Variants in PPP1R12A observed in about 807,000 individuals in gnomAD.
The protein encoded by PPP1R12A is protein phosphatase 1 regulatory subunit 12A.
Under a neutral mutation model 139.6 loss-of-function variants are expected in PPP1R12A, and 19 were observed. The ratio of observed to expected loss-of-function variants is 0.14; its 90% CI spans 0.09 to 0.20. The LOEUF (loss-of-function observed/expected upper bound fraction) is 0.20, where lower values mean the gene tolerates loss of function less well. PPP1R12A is among the 10% of genes least tolerant of loss of function. PPP1R12A has a pLI of 1.00. For synonymous variants in PPP1R12A, 427 were observed against 420.6 expected (o/e 1.02, Z -0.19); for missense variants, 925 against 1,211.5 (o/e 0.76, Z 3.51).
chr12:79,776,587 T>G (rs1869754746), intron 24 of PPP1R12A, among the ~76,000 whole-genome samples: 1 of 152,054 alleles, frequency 6.6e-6, no homozygotes, highest in Non-Finnish European at 1.5e-5. Flanking sequence ...AAGCAATTAC[T>G]ATTATTAGAA....
At chr12:79,933,502 C>T (rs1480448637) in intron 1 of PPP1R12A, among the ~76,000 whole-genome samples, 1 of 152,188 alleles carries the variant, frequency 6.6e-6, no homozygotes, top group Non-Finnish European at 1.5e-5. Flanking sequence ...GCATCTTCCA[C>T]ACACAACCAA....
intron 1 of PPP1R12A, among the ~76,000 whole-genome samples, chr12:79,875,179 A>G (rs566327294): frequency 2.6e-5 from 4 of 152,288 alleles, no homozygotes; most frequent in African/African-American, 9.6e-5. Context: ...TACCTGTCCT[A>G]TGAGATAGGT....
At chr12:79,829,943 ATGGGAGTACAAAAC>A (rs1877222510) in intron 4 of PPP1R12A, among the ~76,000 whole-genome samples, 1 of 152,178 alleles carries the variant, frequency 6.6e-6, no homozygotes, top group African/African-American at 2.4e-5. Flanking sequence ...TAGACATGCA[ATGGGAGTACAAAAC>A]TGAAAAGCAT....
At chr12:79,832,289 AG>A in intron 4 of PPP1R12A, 42 bp downstream of exon 4, 1 of 1,528,276 alleles carries the variant, frequency 6.5e-7, no homozygotes, top group Non-Finnish European at 8.8e-7. Context: ...TGAATAAAGA[AG>A]ACAAACTAAA....
intron 1 of PPP1R12A, among the ~76,000 whole-genome samples, chr12:79,887,175 T>C (rs541234449): frequency 6.6e-6 from 1 of 152,310 alleles, no homozygotes; most frequent in African/African-American, 2.4e-5. Context: ...ATAATACATA[T>C]GTAGTGAACC....
chr12:79,865,847 T>A (rs1053232296), intron 2 of PPP1R12A, among the ~76,000 whole-genome samples: 21 of 152,202 alleles, frequency 1.4e-4, no homozygotes, highest in African/African-American at 4.6e-4. Flanking sequence ...AAACATTCCA[T>A]GCTCATGGAC....
In PPP1R12A at chr12:79,781,982, G is replaced by A. The variant is rs372850849; in HGVS notation, c.2908-120C>T. ...TTCAAGTGGAGTAAAACACAGGTTCGTGAGTAAAGCAAAGAGAAAACAGGA... is the reference window on the plus strand; with the variant it reads ...TTCAAGTGGAGTAAAACACAGGTTCATGAGTAAAGCAAAGAGAAAACAGGA... On this transcript the variant is annotated intron_variant, in intron 22 of 24. Transcript: ENST00000450142. 160 of 504,758 alleles carry A rather than the reference G, an allele frequency of 3.2e-4. No homozygotes were observed. In the South Asian group the frequency reaches 6.0e-3, roughly 19 times the overall value. 31.3% of individuals were successfully genotyped at this position (504,758 alleles called of 1,614,324 possible). A position where few individuals can be genotyped will look rare whatever the true frequency, so the allele number is the denominator to read the frequency against.
intron 1 of PPP1R12A, among the ~76,000 whole-genome samples, chr12:79,899,322 T>G (rs1885429284): frequency 6.7e-6 from 1 of 149,946 alleles, no homozygotes; most frequent in Non-Finnish European, 1.5e-5. Flanking sequence ...GCACACAACC[T>G]AACCTGTATC....
chr12:79,779,203 A>T, intron 23 of PPP1R12A: 1 of 814,274 alleles, frequency 1.2e-6, no homozygotes. Context: ...CAAAGCCAAC[A>T]CACAACACAT....
intron 5 of PPP1R12A, among the ~76,000 whole-genome samples, chr12:79,824,359 CATGA>C (rs1165615474): frequency 6.6e-6 from 1 of 152,142 alleles, no homozygotes; most frequent in African/African-American, 2.4e-5. Context: ...CAACCCTTCT[CATGA>C]ATGAACTACC....
Position 79,803,291 on chromosome 12 carries a change from A to T in PPP1R12A, c.2000+2301T>A, listed in dbSNP as rs548096585. Among the ~76,000 whole-genome samples the T allele has an allele frequency of 6.6e-5, 10 of 152,262 alleles. No individual in the cohort carries two copies. The East Asian group carries it at 1.4e-3, about 21-fold the overall frequency. Reference sequence around the variant, plus strand: ...GAGGAGACCTCTAAGAATACGACATAGAGAAGAAAAATAATTTATATATTT... The same window carrying T: ...GAGGAGACCTCTAAGAATACGACATTGAGAAGAAAAATAATTTATATATTT... On this transcript the variant is annotated intron_variant, in intron 14 of 24. Coordinates refer to ENST00000450142, the MANE Select transcript of PPP1R12A (RefSeq NM_002480.3).
chr12:79,794,212 T>C (rs1221326761), intron 18 of PPP1R12A, among the ~76,000 whole-genome samples: 6 of 152,000 alleles, frequency 3.9e-5, no homozygotes, highest in Admixed American at 2.0e-4. Flanking sequence ...AAAAGAAAAA[T>C]AGAAAACTAT....
intron 1 of PPP1R12A, among the ~76,000 whole-genome samples, chr12:79,927,123 G>C (rs1887906557): frequency 6.6e-6 from 1 of 152,032 alleles, no homozygotes; most frequent in African/African-American, 2.4e-5. Flanking sequence ...AGCCCAGGAA[G>C]GCTACAGTGA....
At chr12:79,877,672 T>C (rs1883240996) in intron 1 of PPP1R12A, among the ~76,000 whole-genome samples, 1 of 152,148 alleles carries the variant, frequency 6.6e-6, no homozygotes, top group Admixed American at 6.5e-5. Flanking sequence ...TGTGCCACCA[T>C]GCCTGGCTAA....
At chr12:79,935,452 A>G (rs1056862251), upstream of PPP1R12A, 4 of 987,920 alleles carry the variant, frequency 4.0e-6, no homozygotes, top group Admixed American at 1.2e-4. Flanking sequence ...TACAGGGCAG[A>G]TCTGCCTCCC....
chr12:79,812,870 T>C (rs937515463), intron 9 of PPP1R12A, among the ~76,000 whole-genome samples: 13 of 152,320 alleles, frequency 8.5e-5, no homozygotes, highest in Non-Finnish European at 1.3e-4. Context: ...CTCTGTCATT[T>C]TCCTCCATCC....
At chr12:79,778,054 T>C (rs1869954272) in intron 24 of PPP1R12A, among the ~76,000 whole-genome samples, 1 of 152,128 alleles carries the variant, frequency 6.6e-6, no homozygotes, top group South Asian at 2.1e-4. Flanking sequence ...GTGAAGACAT[T>C]CAAAACATAA....
chr12:79,801,787 C>T (rs1873215106), intron 14 of PPP1R12A, among the ~76,000 whole-genome samples: 1 of 152,152 alleles, frequency 6.6e-6, no homozygotes, highest in African/African-American at 2.4e-5. Flanking sequence ...CATCAATTAA[C>T]TCTTACTTAT....
At chr12:79,882,714 T>C (rs1883750126) in intron 1 of PPP1R12A, among the ~76,000 whole-genome samples, 1 of 152,158 alleles carries the variant, frequency 6.6e-6, no homozygotes, top group Admixed American at 6.5e-5. Context: ...CATCATATAC[T>C]ACAGAGAAAT....
Sources: allele counts gnomAD v4.1 joint callset (sites outside exome capture counted in the v4.1 genomes callset), GRCh38; gene constraint gnomAD v4.1.1; transcripts MANE v1.5; gene names NCBI Gene and HGNC (gene_info 2026-07-23, HGNC 2026-07-21).